CNNM4: variants seen among roughly 807,000 people sequenced by gnomAD.
CNNM4 encodes metal transporter CNNM4.
In CNNM4, 32 loss-of-function variants were observed where a neutral mutation model predicts 53.7. The ratio of observed to expected loss-of-function variants is 0.60; its 90% CI spans 0.45 to 0.80. The LOEUF is 0.80. CNNM4 is among the 30% of genes least tolerant of loss of function. CNNM4 has a pLI of 0.00. For missense variants in CNNM4, 784 were observed against 1,022.0 expected (o/e 0.77, Z 3.17); for synonymous variants, 410 against 440.0 (o/e 0.93, Z 0.85).
intron 1 of CNNM4, among the ~76,000 whole-genome samples, chr2:96,789,577 G>T (rs1232256582): frequency 6.6e-6 from 1 of 152,202 alleles, no homozygotes; most frequent in African/African-American, 2.4e-5. Flanking sequence ...GGACAGCCAG[G>T]GTGCCAGGAA....
chr2:96,780,232 G>A (rs1574064737), intron 1 of CNNM4, among the ~76,000 whole-genome samples: 2 of 152,088 alleles, frequency 1.3e-5, no homozygotes, highest in South Asian at 2.1e-4. Context: ...TATATTCCTA[G>A]TTATTTGGTG....
intron 5 of CNNM4, among the ~76,000 whole-genome samples, chr2:96,803,515 G>A (rs1347944233): frequency 6.6e-6 from 1 of 151,944 alleles, no homozygotes; most frequent in African/African-American, 2.4e-5. Flanking sequence ...GCCTGAGGTC[G>A]GGAGTTCGAG....
chr2:96,790,554 A>G (rs951083021), intron 1 of CNNM4, among the ~76,000 whole-genome samples: 11 of 147,442 alleles, frequency 7.5e-5, no homozygotes, highest in Non-Finnish European at 1.5e-4. Context: ...GAGTTTCTCC[A>G]TGTTGGTCAG....
chr2:96,774,419 A>AT (rs1049921144), intron 1 of CNNM4, among the ~76,000 whole-genome samples: 3 of 152,046 alleles, frequency 2.0e-5, no homozygotes, highest in Non-Finnish European at 4.4e-5. Flanking sequence ...GTGTTTAAAA[A>AT]TTTTTTTTAA....
rs1303383939 is a variant in CNNM4 at position 96,800,243 on chromosome 2, G to A, written c.1948+595G>A. Among the ~76,000 whole-genome samples the A allele has an allele frequency of 6.6e-6, 1 of 152,134 alleles. No homozygotes were observed. Among genetic ancestry groups the A allele is most frequent in the Non-Finnish European group, 1.5e-5 (1 of 68,012 alleles). Reference sequence around the variant, plus strand: ...CCGCCCCAGTGCCCTCTCCTGTGCTGAGTGGCTCAGGCTTTCCCCGCAGAG... The same window carrying A: ...CCGCCCCAGTGCCCTCTCCTGTGCTAAGTGGCTCAGGCTTTCCCCGCAGAG... On this transcript the variant is annotated intron_variant, in intron 5 of 6. Coordinates refer to ENST00000377075, the MANE Select transcript of CNNM4 (RefSeq NM_020184.4). This position sits in a 1 kb window ranked among gnomAD's most constrained non-coding sequence, Gnocchi z 4.6.
In CNNM4 at chr2:96,797,782, G is replaced by T; in HGVS notation, c.1681+135G>T. 2.5e-6 allele frequency: 3 copies of T among 1,203,406 alleles called. No homozygotes were observed. In the South Asian group the frequency reaches 3.9e-5, roughly 16 times the overall value. The allele number at this position is 1,203,406 out of a possible 1,614,324, so 74.5% of individuals were successfully genotyped here. On this transcript the variant is annotated intron_variant, in intron 3 of 6. Transcript: ENST00000377075. The surrounding 1 kb of genome is among the most constrained non-coding windows in gnomAD (Gnocchi z 6.0). ...GTGCAGAGACAACACAGCCACCCCT[G>T]GAAGGGGCCGGGTATCTGCTCCACC...
intron 5 of CNNM4, among the ~76,000 whole-genome samples, chr2:96,802,431 T>C (rs2079168118): frequency 6.6e-6 from 1 of 152,246 alleles, no homozygotes; most frequent in Non-Finnish European, 1.5e-5. Context: ...ATCAGCTTTC[T>C]CTAAAAGACT....
At chr2:96,802,046 GAC>G (rs1055408661) in intron 5 of CNNM4, among the ~76,000 whole-genome samples, 1 of 147,602 alleles carries the variant, frequency 6.8e-6, no homozygotes, top group Non-Finnish European at 1.5e-5. Context: ...CACACACACA[GAC>G]ACACACAGAT....
intron 1 of CNNM4, among the ~76,000 whole-genome samples, chr2:96,796,532 T>C (rs1257617946): frequency 6.6e-6 from 1 of 152,036 alleles, no homozygotes; most frequent in Non-Finnish European, 1.5e-5. Context: ...GAGGCTGAGA[T>C]GGGAGGACTG....
chr2:96,773,725 C>T (rs2078898805), intron 1 of CNNM4, among the ~76,000 whole-genome samples: 1 of 151,772 alleles, frequency 6.6e-6, no homozygotes, highest in Non-Finnish European at 1.5e-5. Context: ...TGCCTGTAGT[C>T]CCACCTACTC....
rs1274049075 is a variant in CNNM4, at chr2:96,800,546, G to GC, written c.1948+902dup. 6.6e-6 allele frequency among the ~76,000 whole-genome samples: 1 copy of GC among 152,182 alleles called. No homozygotes were observed. Among genetic ancestry groups the GC allele is most frequent in the Non-Finnish European group, 1.5e-5 (1 of 68,020 alleles). On this transcript the variant is annotated intron_variant, in intron 5 of 6. Transcript: ENST00000377075. The surrounding 1 kb of genome is among the most constrained non-coding windows in gnomAD (Gnocchi z 4.6). ...GCTTGGCTTATCCACCATGTCCTCGGCCCCTCCACCAGATGAGTGGGGCAT... is the reference window on the plus strand; with the variant it reads ...GCTTGGCTTATCCACCATGTCCTCGGCCCCCTCCACCAGATGAGTGGGGCAT...
At chr2:96,763,147 G>A (rs1038413705) in intron 1 of CNNM4, among the ~76,000 whole-genome samples, 2 of 152,198 alleles carry the variant, frequency 1.3e-5, no homozygotes, top group South Asian at 4.1e-4. Context: ...AGCAGATTAA[G>A]TTTTGGTAAT....
chr2:96,778,389 C>T (rs901238776), intron 1 of CNNM4, among the ~76,000 whole-genome samples: 1 of 151,034 alleles, frequency 6.6e-6, no homozygotes. Flanking sequence ...AACCTTGTCT[C>T]TACTAAAAAT....
intron 1 of CNNM4, among the ~76,000 whole-genome samples, chr2:96,785,555 C>T (rs753010073): frequency 6.6e-6 from 1 of 152,062 alleles, no homozygotes; most frequent in Non-Finnish European, 1.5e-5. Context: ...CAGTGGAGTC[C>T]AGGAGGCCGA....
At chr2:96,770,924 C>T (rs912624903) in intron 1 of CNNM4, among the ~76,000 whole-genome samples, 7 of 152,220 alleles carry the variant, frequency 4.6e-5, no homozygotes, top group African/African-American at 1.2e-4. Flanking sequence ...CTCCCCAGCC[C>T]GTGGGGGATG....
chr2:96,782,411 C>CA (rs763103436), intron 1 of CNNM4, among the ~76,000 whole-genome samples: 10,031 of 80,672 alleles, frequency 0.12, 753 homozygotes, highest in African/African-American at 0.29. Context: ...GACATTGTCT[C>CA]AAAAAAAAAA....
chr2:96,772,144 C>T (rs1226641023), intron 1 of CNNM4, among the ~76,000 whole-genome samples: 1 of 151,964 alleles, frequency 6.6e-6, no homozygotes. Flanking sequence ...TAGGGCCACT[C>T]CCACACATGT....
intron 1 of CNNM4, among the ~76,000 whole-genome samples, chr2:96,776,336 G>T (rs922404057): frequency 1.3e-5 from 2 of 150,646 alleles, no homozygotes; most frequent in Non-Finnish European, 3.0e-5. Flanking sequence ...CCGCCATTGT[G>T]TTTTTTTTTA....
rs778131831 is a variant in CNNM4 at position 96,762,273 on chromosome 2, A to C, written c.1274A>C (p.Lys425Thr). The part of the protein sequence containing the change: ...QSNIVDILYV[K>T]DLAFVDPDDC... The stretch of plus-strand genomic sequence containing the variant: ...AATATTGTAGATATTCTCTACGTCA[A>C]AGACTTGGCCTTTGTGGACCCCGAT... The change falls in exon 1 of 7, where the codon AAA becomes ACA. Residue 425 changes from lysine to threonine, a missense_variant. Physicochemically the swap from Lys to Thr is moderately conservative, Grantham distance 78. Around this residue, in one of 3 missense-constraint regions of CNNM4, gnomAD observed 473 missense variants for 624.6 expected, o/e 0.76. Transcript: ENST00000377075. 2.2e-5 allele frequency: 35 copies of C among 1,614,024 alleles called. No homozygotes were observed. Among genetic ancestry groups the C allele is most frequent in the Non-Finnish European group, 3.4e-6 (4 of 1,180,048 alleles).
Sources: gnomAD v4.1 joint callset for allele counts (sites outside exome capture counted in the v4.1 genomes callset) on GRCh38, gnomAD v4.1.1 for gene constraint, gnomAD v4.1.1 regional missense constraint, Gnocchi (gnomAD v3.1) non-coding constraint, MANE v1.5 for transcripts, NCBI Gene and HGNC (gene_info 2026-07-23, HGNC 2026-07-21) for gene names.